Variants in MED27 observed in about 807,000 individuals in gnomAD.
MED27 encodes mediator complex subunit 27.
MED27 carries 30 observed loss-of-function variants against 38.2 expected under a neutral mutation model. The observed-to-expected ratio is 0.79, with a 90% CI of 0.59 to 1.07. The LOEUF (loss-of-function observed/expected upper bound fraction) is 1.07, where lower values mean the gene tolerates loss of function less well. Among genes scored for constraint, MED27 ranks in the 50% least tolerant of loss-of-function variants. The pLI, the probability that MED27 is intolerant of heterozygous loss-of-function variation, is 0.00. For synonymous variants in MED27, 122 were observed against 153.5 expected, an observed-to-expected ratio of 0.79 and a Z score of 1.52; for missense variants, 289 against 397.5, an observed-to-expected ratio of 0.73 and a Z score of 2.32.
chr9:131,963,594 A>C (rs1831268941), intron 3 of MED27, among the ~76,000 whole-genome samples: 1 of 152,150 alleles, frequency 6.6e-6, no homozygotes, highest in African/African-American at 2.4e-5. Context: ...AAGGTTTCAG[A>C]TCCTTCATGC....
Position 132,051,057 on chromosome 9 carries a change from C to CA in MED27, c.348+26384dup, listed in dbSNP as rs1833454504. On this transcript the variant is annotated intron_variant, in intron 2 of 7. Transcript: ENST00000292035. The surrounding 1 kb of genome is among the most constrained non-coding windows in gnomAD (Gnocchi z 4.2). ...ATACAACTGCACATTCACCCACACA[C>CA]ACTGCAGCGAATGTTCTAATGGATC... Among the ~76,000 whole-genome samples the CA allele has an allele frequency of 1.3e-5, 2 of 152,214 alleles. No homozygotes were observed. Among genetic ancestry groups the CA allele is most frequent in the Admixed American group, 1.3e-4 (2 of 15,286 alleles).
intron 2 of MED27, among the ~76,000 whole-genome samples, chr9:132,037,940 C>T (rs1589281007): frequency 1.3e-5 from 2 of 152,204 alleles, no homozygotes; most frequent in South Asian, 4.2e-4. Context: ...GCCTGCCCCA[C>T]GAATCTCACA....
intron 5 of MED27, among the ~76,000 whole-genome samples, chr9:131,888,121 A>C (rs1386357911): frequency 2.0e-5 from 3 of 152,176 alleles, no homozygotes; most frequent in African/African-American, 7.2e-5. Context: ...TTCTGTCTGC[A>C]ATGCTGACCA....
intron 2 of MED27, among the ~76,000 whole-genome samples, chr9:132,072,549 G>A (rs951600664): frequency 1.3e-5 from 2 of 151,968 alleles, no homozygotes; most frequent in South Asian, 2.1e-4. Context: ...TGGCTCCCAC[G>A]GTATCCAGGG....
rs552448953 is a variant in MED27 at position 131,985,955 on chromosome 9, A to G, written c.479+28382T>C. Among the ~76,000 whole-genome samples the G allele has an allele frequency of 2.6e-5, 4 of 152,250 alleles. No homozygotes were observed. The East Asian group carries it at 5.8e-4, about 22-fold the overall frequency. On this transcript the variant is annotated intron_variant, in intron 3 of 7. Coordinates refer to ENST00000292035, the MANE Select transcript of MED27 (RefSeq NM_004269.4). ...GTCTTTGGTTTTAGCAAAAAAGTTT[A>G]AAAAGTAAGAAAAAAATAAATAAAA...
At position 131,863,507 on chromosome 9, in the gene MED27, C is replaced by T. The variant is rs9657745; in HGVS notation, c.724-367G>A. 3.9e-5 allele frequency among the ~76,000 whole-genome samples: 6 copies of T among 152,336 alleles called. No individual in the cohort carries two copies. In the South Asian group the frequency reaches 1.0e-3, roughly 26 times the overall value. On this transcript the variant is annotated intron_variant, in intron 6 of 7. Transcript: ENST00000292035. ...CAAGGCGCGGCACACACAGCACATA[C>T]GACAAGGAGCACTTCCGCCCGGTAC...
At chr9:131,958,156 T>C (rs541050140) in intron 3 of MED27, among the ~76,000 whole-genome samples, 1 of 152,202 alleles carries the variant, frequency 6.6e-6, no homozygotes, top group South Asian at 2.1e-4. Context: ...AAGTTATACT[T>C]CAAGTTGATT....
chr9:132,050,155 G>C (rs1277922427), intron 2 of MED27, among the ~76,000 whole-genome samples: 1 of 152,186 alleles, frequency 6.6e-6, no homozygotes, highest in African/African-American at 2.4e-5. Context: ...GTGGTCAAGT[G>C]TCCCAGGAGA....
At chr9:131,887,140 GTTTT>G (rs1336080121) in intron 5 of MED27, among the ~76,000 whole-genome samples, 2 of 152,086 alleles carry the variant, frequency 1.3e-5, no homozygotes, top group Non-Finnish European at 2.9e-5. Flanking sequence ...AAAAGTTATA[GTTTT>G]TATTTAAAAG....
intron 3 of MED27, among the ~76,000 whole-genome samples, chr9:131,944,257 A>G (rs1465348559): frequency 6.6e-6 from 1 of 152,154 alleles, no homozygotes; most frequent in Non-Finnish European, 1.5e-5. Context: ...CCTCTCATCC[A>G]GTGTCCCCAA....
intron 6 of MED27, among the ~76,000 whole-genome samples, chr9:131,876,845 T>A (rs1238393479): frequency 6.6e-6 from 1 of 152,188 alleles, no homozygotes; most frequent in African/African-American, 2.4e-5. Flanking sequence ...AGCGGCCCAT[T>A]TCCCTTTGCA....
At chr9:132,005,997 A>G (rs902122021) in intron 3 of MED27, among the ~76,000 whole-genome samples, 1 of 152,106 alleles carries the variant, frequency 6.6e-6, no homozygotes, top group Non-Finnish European at 1.5e-5. Context: ...TCTTCTAGAG[A>G]GTTATCGCCA....
chr9:132,019,326 T>C (rs1174184763), intron 2 of MED27, among the ~76,000 whole-genome samples: 1 of 152,226 alleles, frequency 6.6e-6, no homozygotes, highest in African/African-American at 2.4e-5. Context: ...CTGGCTTGGC[T>C]TGGCACTGCA....
intron 2 of MED27, among the ~76,000 whole-genome samples, chr9:132,049,802 C>T (rs1375220321): frequency 6.6e-6 from 1 of 152,166 alleles, no homozygotes; most frequent in African/African-American, 2.4e-5. Context: ...CCTAACCACA[C>T]ATTCAGCTCT....
At chr9:131,923,958 T>C (rs1424205113) in intron 4 of MED27, among the ~76,000 whole-genome samples, 2 of 152,202 alleles carry the variant, frequency 1.3e-5, no homozygotes, top group African/African-American at 4.8e-5. Flanking sequence ...CATTCTTTTC[T>C]GAAGATGGAA....
intron 6 of MED27, among the ~76,000 whole-genome samples, chr9:131,866,137 T>C (rs1009978754): frequency 6.6e-6 from 1 of 152,368 alleles, no homozygotes. Flanking sequence ...CCCAGCCTGC[T>C]GTTCCCTGGG....
At chr9:131,989,005 A>G (rs1026533666) in intron 3 of MED27, among the ~76,000 whole-genome samples, 1 of 152,170 alleles carries the variant, frequency 6.6e-6, no homozygotes, top group Non-Finnish European at 1.5e-5. Flanking sequence ...TAGGTACACG[A>G]CTGCCATGGT....
chr9:131,980,114 T>C (rs955021432), intron 3 of MED27, among the ~76,000 whole-genome samples: 7 of 151,448 alleles, frequency 4.6e-5, no homozygotes, highest in Non-Finnish European at 1.0e-4. Flanking sequence ...TGTGTGTGTA[T>C]ATATGTGTGT....
intron 4 of MED27, among the ~76,000 whole-genome samples, chr9:131,931,295 G>A (rs1305143570): frequency 4.0e-5 from 6 of 151,638 alleles, no homozygotes; most frequent in Non-Finnish European, 8.8e-5. Context: ...TAAAACAACA[G>A]ATTATAAGAT....
Sources: gnomAD v4.1 joint callset for allele counts (sites outside exome capture counted in the v4.1 genomes callset) on GRCh38, gnomAD v4.1.1 for gene constraint, Gnocchi (gnomAD v3.1) non-coding constraint, MANE v1.5 for transcripts, NCBI Gene and HGNC (gene_info 2026-07-23, HGNC 2026-07-21) for gene names.